CPNE5: variants seen among roughly 807,000 people sequenced by gnomAD.
The protein encoded by CPNE5 is copine 5.
In CPNE5, 42 loss-of-function variants were observed where a neutral mutation model predicts 81.1. That is an observed-to-expected ratio of 0.52 (90% CI 0.40 to 0.67). The LOEUF (loss-of-function observed/expected upper bound fraction) is 0.67. CPNE5 is among the 30% of genes least tolerant of loss of function. The pLI, the probability that CPNE5 is intolerant of heterozygous loss-of-function variation, is 0.00. For synonymous variants in CPNE5, 313 were observed against 321.5 expected, an observed-to-expected ratio of 0.97 and a Z score of 0.28; for missense variants, 612 against 815.5, an observed-to-expected ratio of 0.75 and a Z score of 3.04.
At chr6:36,767,018 CTAATTTTTTGTATTTTTAG>C (rs1766618972) in intron 10 of CPNE5, among the ~76,000 whole-genome samples, 2 of 152,170 alleles carry the variant, frequency 1.3e-5, no homozygotes, top group South Asian at 4.1e-4. Flanking sequence ...CCACACCTGG[CTAATTTTTTGTATTTTTAG>C]TAGAGATGGG....
In CPNE5 at chr6:36,794,285, C is replaced by T. The variant is rs554220507; in HGVS notation, c.464+305G>A. Reference sequence around the variant, plus strand: ...GAAGGGAACAGAGAGTGCCCAGCCCCGCTATTCATAGACAACATCCCCCAC... The same window carrying T: ...GAAGGGAACAGAGAGTGCCCAGCCCTGCTATTCATAGACAACATCCCCCAC... On this transcript the variant is annotated intron_variant, in intron 7 of 20. Coordinates refer to ENST00000244751, the MANE Select transcript of CPNE5 (RefSeq NM_020939.2). Among the ~76,000 whole-genome samples the T allele has an allele frequency of 2.3e-4, 35 of 152,072 alleles. No homozygotes were observed. In the South Asian group the frequency reaches 2.5e-3, roughly 11 times the overall value.
intron 1 of CPNE5, among the ~76,000 whole-genome samples, chr6:36,825,572 C>G (rs2150597573): frequency 6.6e-6 from 1 of 152,334 alleles, no homozygotes; most frequent in East Asian, 1.9e-4. Flanking sequence ...CGGAAACCAT[C>G]TGATAAACCT....
At chr6:36,827,014 G>A (rs1288454010) in intron 1 of CPNE5, among the ~76,000 whole-genome samples, 1 of 152,118 alleles carries the variant, frequency 6.6e-6, no homozygotes, top group East Asian at 1.9e-4. Flanking sequence ...GAGTGGAGCC[G>A]TCACTCTCCC....
At position 36,768,225 on chromosome 6, in the gene CPNE5, C is replaced by CTTTTTTTCTTTTTT. The variant is rs527797208; in HGVS notation, c.738-2850_738-2849insAAAAAAGAAAAAAA. Among the ~76,000 whole-genome samples, 50 of 60,510 alleles carry CTTTTTTTCTTTTTT rather than the reference C, an allele frequency of 8.3e-4. 12 individuals carry two copies. Among genetic ancestry groups the CTTTTTTTCTTTTTT allele is most frequent in the Admixed American group, 2.3e-3 (10 of 4,436 alleles). 39.7% of individuals were successfully genotyped at this position (60,510 alleles called of 152,430 possible). On this transcript the variant is annotated intron_variant, in intron 10 of 20. Coordinates refer to ENST00000244751, the MANE Select transcript of CPNE5 (RefSeq NM_020939.2). ...GGCTTTGACTACTCTATTCACAGTT[C>CTTTTTTTCTTTTTT]TTTTTTTTTTTTTTTTTTTTTTTTT...
intron 1 of CPNE5, among the ~76,000 whole-genome samples, chr6:36,828,308 CAAAA>C (rs11444450): frequency 3.8e-5 from 3 of 78,650 alleles, no homozygotes; most frequent in Non-Finnish European, 7.5e-5. Flanking sequence ...AACAACAAAC[CAAAA>C]AAAAAAAAAA....
intron 6 of CPNE5, among the ~76,000 whole-genome samples, chr6:36,795,420 C>G (rs1299919395): frequency 6.6e-6 from 1 of 152,196 alleles, no homozygotes; most frequent in African/African-American, 2.4e-5. Flanking sequence ...CTCAGGTGAT[C>G]TGCCCACCTT....
chr6:36,773,144 T>C (rs1767189567), intron 10 of CPNE5, among the ~76,000 whole-genome samples: 1 of 152,212 alleles, frequency 6.6e-6, no homozygotes. Context: ...CCCAAAGTGT[T>C]GGGATTACAG....
chr6:36,818,253 C>A (rs945652311), intron 3 of CPNE5, among the ~76,000 whole-genome samples: 1 of 152,166 alleles, frequency 6.6e-6, no homozygotes, highest in Non-Finnish European at 1.5e-5. Context: ...TTGAATGTGG[C>A]CTTCTGGCTG....
At chr6:36,769,636 G>A (rs951596520) in intron 10 of CPNE5, among the ~76,000 whole-genome samples, 4 of 152,178 alleles carry the variant, frequency 2.6e-5, no homozygotes, top group Admixed American at 6.5e-5. Context: ...GGAGCATCAG[G>A]GCCTCATCTG....
chr6:36,830,884 CAAAA>C (rs1772932176), intron 1 of CPNE5, among the ~76,000 whole-genome samples: 1 of 152,010 alleles, frequency 6.6e-6, no homozygotes, highest in South Asian at 2.1e-4. Context: ...GTTTCTACTT[CAAAA>C]TATATCCCAG....
At chr6:36,794,438 G>A (rs1387183072) in intron 7 of CPNE5, 152 bp downstream of exon 7, 1 of 676,570 alleles carries the variant, frequency 1.5e-6, no homozygotes, top group Non-Finnish European at 2.6e-6. Flanking sequence ...AAGAGCCTGG[G>A]TGCCTAAGGA....
At chr6:36,767,490 C>A (rs564754005) in intron 10 of CPNE5, among the ~76,000 whole-genome samples, 1 of 152,324 alleles carries the variant, frequency 6.6e-6, no homozygotes, top group African/African-American at 2.4e-5. Context: ...TCCAGGACTT[C>A]GGTCATGGCC....
At chr6:36,742,930 T>C in intron 20 of CPNE5, 1 of 985,424 alleles carries the variant, frequency 1.0e-6, no homozygotes, top group Non-Finnish European at 1.2e-6. Context: ...CAATGCCTAA[T>C]GCCAGGCCCA....
chr6:36,833,401 G>A (rs1422026682), intron 1 of CPNE5, among the ~76,000 whole-genome samples: 1 of 152,204 alleles, frequency 6.6e-6, no homozygotes, highest in Non-Finnish European at 1.5e-5. Context: ...GAGAGTGGGC[G>A]GGACCTGGGA....
intron 1 of CPNE5, among the ~76,000 whole-genome samples, chr6:36,825,300 T>C (rs1479974389): frequency 6.6e-6 from 1 of 152,114 alleles, no homozygotes; most frequent in East Asian, 1.9e-4. Flanking sequence ...AAGCCCCAGA[T>C]TGCATTCATT....
chr6:36,798,487 C>T lies in CPNE5; in HGVS notation c.295G>A (p.Val99Ile), dbSNP rs1322182477. The change falls in exon 5 of 21, where the codon GTT (valine) becomes ATT (isoleucine). Residue 99 changes from valine (V) to isoleucine (I), a missense_variant. Coordinates refer to ENST00000244751, the MANE Select transcript of CPNE5 (RefSeq NM_020939.2). Reference sequence around the variant, plus strand: ...GATAAATCAGGACTCTTAGAGTCAACGTCGTATCTGCAGGGAACACAGAGA... The same window carrying T: ...GATAAATCAGGACTCTTAGAGTCAATGTCGTATCTGCAGGGAACACAGAGA... ...KQNLRFDLYDVDSKSPDLSKH... is the reference protein window; with the variant it reads ...KQNLRFDLYDIDSKSPDLSKH... 4.3e-6 allele frequency: 7 copies of T among 1,613,990 alleles called. No homozygotes were observed. The highest frequency in any genetic ancestry group is 4.5e-5 in the East Asian group (2 of 44,884).
chr6:36,829,938 C>T (rs1772849378), intron 1 of CPNE5, among the ~76,000 whole-genome samples: 1 of 150,904 alleles, frequency 6.6e-6, no homozygotes, highest in African/African-American at 2.4e-5. Context: ...CCCATTTCTG[C>T]ATGGAGCAAT....
intron 3 of CPNE5, among the ~76,000 whole-genome samples, chr6:36,806,585 A>G (rs1770612666): frequency 6.6e-6 from 1 of 152,192 alleles, no homozygotes; most frequent in South Asian, 2.1e-4. Context: ...CATACCTTTG[A>G]GAGAAATCTC....
intron 6 of CPNE5, among the ~76,000 whole-genome samples, chr6:36,797,951 A>T (rs935367147): frequency 1.3e-5 from 2 of 152,128 alleles, no homozygotes; most frequent in Non-Finnish European, 2.9e-5. Context: ...GGGCCTTCCC[A>T]GGAGATGGGA....
Sources: allele counts gnomAD v4.1 joint callset (sites outside exome capture counted in the v4.1 genomes callset), GRCh38; gene constraint gnomAD v4.1.1; transcripts MANE v1.5; gene names NCBI Gene and HGNC (gene_info 2026-07-23, HGNC 2026-07-21).